Variants in ABCG5 observed in about 807,000 individuals in gnomAD.
ABCG5 encodes the protein ATP-binding cassette sub-family G member 5.
A neutral mutation model predicts 64.5 loss-of-function variants in ABCG5; 64 were observed. The observed-to-expected ratio is 0.99, with a 90% CI of 0.81 to 1.22. The LOEUF (loss-of-function observed/expected upper bound fraction) is 1.22, where lower values mean the gene tolerates loss of function less well. ABCG5 is among the 50% of genes most tolerant of loss of function. The pLI is 0.00. For synonymous variants in ABCG5, 385 were observed against 326.3 expected, an observed-to-expected ratio of 1.18 and a Z score of -1.94; for missense variants, 908 against 829.5, an observed-to-expected ratio of 1.09 and a Z score of -1.16.
intron 10 of ABCG5, among the ~76,000 whole-genome samples, chr2:43,822,169 A>G (rs534975770): frequency 1.3e-5 from 2 of 152,048 alleles, no homozygotes; most frequent in Non-Finnish European, 2.9e-5. Flanking sequence ...TGCTTCCTCC[A>G]TCTTACACCT....
At chr2:43,834,964 A>C (rs911837871) in intron 2 of ABCG5, among the ~76,000 whole-genome samples, 5 of 152,264 alleles carry the variant, frequency 3.3e-5, no homozygotes, top group Non-Finnish European at 5.9e-5. Flanking sequence ...TTTATGCAAT[A>C]CTATGGAGTA....
the ABCG5 span, among the ~76,000 whole-genome samples, chr2:43,807,038 C>T: frequency 6.6e-6 from 1 of 152,106 alleles, no homozygotes; most frequent in East Asian, 1.9e-4. Context: ...GTAAAGATAC[C>T]CTAACAATTA....
intron 9 of ABCG5, 43 bp downstream of exon 9, chr2:43,823,870 A>G: frequency 1.3e-6 from 2 of 1,597,270 alleles, no homozygotes; most frequent in Non-Finnish European, 1.7e-6. Flanking sequence ...GAAGGGAGGT[A>G]TTTAGGGAGA....
chr2:43,838,648 C>T lies in ABCG5; in HGVS notation c.32G>A (p.Gly11Glu). 1.2e-6 allele frequency: 2 copies of T among 1,613,650 alleles called. No homozygotes were observed. Among genetic ancestry groups the T allele is most frequent in the South Asian group, 2.2e-5 (2 of 91,028 alleles). MGDLSSLTPG[G>E]SMGLQVNRGS... is the part of the protein sequence containing the mutation. ...TCTGTTTACTTGGAGACCCATGGACCCTCCGGGGGTCAAAGATGAGAGGTC... is the reference window on the plus strand; with the variant it reads ...TCTGTTTACTTGGAGACCCATGGACTCTCCGGGGGTCAAAGATGAGAGGTC... Residue 11 changes from glycine to glutamate, a missense_variant, in exon 1 of 13, where the codon GGG (glycine) becomes GAG (glutamate). Coordinates refer to ENST00000405322, the MANE Select transcript of ABCG5 (RefSeq NM_022436.3). The surrounding 1 kb of genome is among the most constrained non-coding windows in gnomAD (Gnocchi z 4.2).
chr2:43,837,715 T>C, intron 2 of ABCG5, 119 bp downstream of exon 2: 1 of 1,327,438 alleles, frequency 7.5e-7, no homozygotes, highest in East Asian at 2.4e-5. Context: ...CAGTCAGATA[T>C]CAATAGAATT....
At chr2:43,812,263 A>G (rs556755276), downstream of ABCG5, among the ~76,000 whole-genome samples, 1 of 150,502 alleles carries the variant, frequency 6.6e-6, no homozygotes, top group Non-Finnish European at 1.5e-5. Context: ...GCTGATCTCC[A>G]GCCTTAATGG....
chr2:43,828,979 T>A (rs1361956744), intron 4 of ABCG5, among the ~76,000 whole-genome samples: 15 of 151,670 alleles, frequency 9.9e-5, no homozygotes, highest in African/African-American at 3.1e-4. Context: ...AAAATAATAA[T>A]AAATAAATAA....
chr2:43,807,672 G>C (rs1666313380), downstream of ABCG5, among the ~76,000 whole-genome samples: 1 of 138,800 alleles, frequency 7.2e-6, no homozygotes, highest in African/African-American at 2.7e-5. Context: ...TCCTGAGTTG[G>C]CCTCCCAAAG....
rs563568967 is a variant in ABCG5 at position 43,837,880 on chromosome 2, G to C, written c.219C>G (p.Ser73=). ...TGATCTGCCCGCTCTCCACGTACAAGGAGACATCTTTGAGGATCTGCCTGG... is the reference window on the plus strand; with the variant it reads ...TGATCTGCCCGCTCTCCACGTACAACGAGACATCTTTGAGGATCTGCCTGG... ...QWTRQILKDV[S]LYVESGQIMC... The change falls in exon 2 of 13, where the codon TCC becomes TCG. Residue 73 remains serine (S), a synonymous_variant. Transcript: ENST00000405322. 2 of 1,614,012 alleles carry C rather than the reference G, an allele frequency of 1.2e-6. No homozygotes were observed. Among genetic ancestry groups the C allele is most frequent in the Non-Finnish European group, 1.7e-6 (2 of 1,180,008 alleles).
chr2:43,826,596 A>G (rs1416286275), intron 5 of ABCG5, 75 bp from the exon 6 acceptor site: 3 of 1,603,272 alleles, frequency 1.9e-6, no homozygotes, highest in Admixed American at 1.7e-5. Flanking sequence ...AGAGTTCTGA[A>G]CTGTTCCTTA....
chr2:43,822,775 G>A (rs1667317776), intron 10 of ABCG5, 22 bp downstream of exon 10: 4 of 1,614,046 alleles, frequency 2.5e-6, no homozygotes, highest in African/African-American at 1.3e-5. Context: ...CCCGGCCCTG[G>A]GTGAACTGAA....
Position 43,838,650 on chromosome 2 carries a change from T to C in ABCG5, c.30A>G (p.Gly10=), listed in dbSNP as rs773823116. The change falls in exon 1 of 13, where the codon GGA becomes GGG. Residue 10 remains glycine (G), a synonymous_variant. Coordinates refer to ENST00000405322, the MANE Select transcript of ABCG5 (RefSeq NM_022436.3). The surrounding 1 kb of genome is among the most constrained non-coding windows in gnomAD (Gnocchi z 4.2). The stretch of plus-strand genomic sequence containing the variant: ...TGTTTACTTGGAGACCCATGGACCC[T>C]CCGGGGGTCAAAGATGAGAGGTCAC... MGDLSSLTP[G]GSMGLQVNRG... The C allele has an allele frequency of 1.9e-6, 3 of 1,613,624 alleles. No individual in the cohort carries two copies. The highest frequency in any genetic ancestry group is 2.7e-5 in the African/African-American group (2 of 75,006).
At chr2:43,816,288 C>T (rs1361206128) in intron 11 of ABCG5, among the ~76,000 whole-genome samples, 2 of 152,126 alleles carry the variant, frequency 1.3e-5, no homozygotes, top group East Asian at 3.8e-4. Context: ...CAGCTGCTGC[C>T]TTCAAGGGGT....
At chr2:43,823,849 T>TTA in intron 9 of ABCG5, 64 bp downstream of exon 9, 1 of 1,569,810 alleles carries the variant, frequency 6.4e-7, no homozygotes, top group African/African-American at 1.4e-5. Context: ...TTTTGTAAGG[T>TTA]TACAGCTGGA....
At chr2:43,814,398 T>C in intron 12 of ABCG5, 79 bp downstream of exon 12, 1 of 925,520 alleles carries the variant, frequency 1.1e-6, no homozygotes, top group South Asian at 1.4e-5. Context: ...ACAGTTTTTA[T>C]TTCAAAAATA....
intron 4 of ABCG5, 114 bp downstream of exon 4, chr2:43,831,655 G>T: frequency 9.2e-7 from 1 of 1,090,422 alleles, no homozygotes; most frequent in Non-Finnish European, 1.3e-6. Flanking sequence ...GCGCTCTAGA[G>T]TGAAGGAGTG....
At chr2:43,808,810 C>A (rs1045164583), downstream of ABCG5, among the ~76,000 whole-genome samples, 1 of 152,104 alleles carries the variant, frequency 6.6e-6, no homozygotes, top group Non-Finnish European at 1.5e-5. Context: ...TGTGAATGAA[C>A]GCTAATTATT....
the ABCG5 span, among the ~76,000 whole-genome samples, chr2:43,806,570 T>A: frequency 2.0e-5 from 3 of 152,246 alleles, no homozygotes; most frequent in East Asian, 5.8e-4. Flanking sequence ...GTTTGCAGCC[T>A]GGCTATAAGG....
At chr2:43,832,905 G>A (rs1170402849) in intron 2 of ABCG5, among the ~76,000 whole-genome samples, 4 of 152,152 alleles carry the variant, frequency 2.6e-5, no homozygotes, top group African/African-American at 7.2e-5. Flanking sequence ...CGCCTCTCAG[G>A]TTCAAGCCAT....
Sources: allele counts gnomAD v4.1 joint callset (sites outside exome capture counted in the v4.1 genomes callset), GRCh38; gene constraint gnomAD v4.1.1; non-coding constraint Gnocchi (gnomAD v3.1); transcripts MANE v1.5; gene names NCBI Gene and HGNC (gene_info 2026-07-23, HGNC 2026-07-21).